OLFM3: variants seen among roughly 807,000 people sequenced by gnomAD.
OLFM3 encodes the protein noelin-3.
OLFM3 carries 20 observed loss-of-function variants against 48.6 expected under a neutral mutation model. The ratio of observed to expected loss-of-function variants is 0.41; its 90% confidence interval spans 0.29 to 0.60. The LOEUF is 0.60. OLFM3 is among the 20% of genes least tolerant of loss of function. OLFM3 has a pLI of 0.28. For synonymous variants in OLFM3, 222 were observed against 198.1 expected, an observed-to-expected ratio of 1.12 and a Z score of -1.01; for missense variants, 437 against 544.3, an observed-to-expected ratio of 0.80 and a Z score of 1.96.
intron 1 of OLFM3, among the ~76,000 whole-genome samples, chr1:101,948,862 A>T (rs752987236): frequency 2.0e-5 from 3 of 147,646 alleles, no homozygotes; most frequent in African/African-American, 7.3e-5. Flanking sequence ...TATATATTAT[A>T]TATTTATATA....
At chr1:101,859,526 G>T (rs982644920) in intron 1 of OLFM3, among the ~76,000 whole-genome samples, 1 of 152,030 alleles carries the variant, frequency 6.6e-6, no homozygotes, top group East Asian at 1.9e-4. Flanking sequence ...CAAGTTAAAT[G>T]TCTCTTATTT....
chr1:101,803,085 C>T lies in OLFM3; in HGVS notation c.*1153G>A, dbSNP rs1410996934. ...ACCACAAAGACAACTCCCAAGTCTC[C>T]CCATATTTTATTTTGCACAAATCTT... On this transcript the variant is annotated 3_prime_UTR_variant, in exon 6 of 6. Coordinates refer to ENST00000370103, the MANE Select transcript of OLFM3 (RefSeq NM_058170.4). The T allele has an allele frequency of 6.6e-6, 1 of 151,990 alleles. No individual in the cohort carries two copies. Among genetic ancestry groups the T allele is most frequent in the Admixed American group, 6.6e-5 (1 of 15,188 alleles). The allele number at this position is 151,990 out of a possible 1,614,324, so 9.4% of individuals were successfully genotyped here.
At chr1:101,953,739 T>C (rs1226514630) in intron 1 of OLFM3, among the ~76,000 whole-genome samples, 2 of 152,202 alleles carry the variant, frequency 1.3e-5, no homozygotes, top group East Asian at 3.8e-4. Context: ...CTAATATTTT[T>C]ACCCTTCACA....
intron 4 of OLFM3, among the ~76,000 whole-genome samples, chr1:101,823,356 G>C (rs1654700166): frequency 6.6e-6 from 1 of 152,050 alleles, no homozygotes; most frequent in East Asian, 1.9e-4. Flanking sequence ...CATTTAAACT[G>C]AGACCTGACA....
chr1:101,812,842 A>T, intron 4 of OLFM3: 2 of 990,222 alleles, frequency 2.0e-6, no homozygotes, highest in Non-Finnish European at 2.4e-6. Context: ...TTGTGAGGAA[A>T]ATTGATTCTT....
intron 1 of OLFM3, among the ~76,000 whole-genome samples, chr1:101,861,310 C>G (rs892267416): frequency 6.6e-6 from 1 of 150,544 alleles, no homozygotes; most frequent in East Asian, 1.9e-4. Context: ...GATTTGGCCG[C>G]CCCGGCCTCC....
chr1:101,901,193 T>C (rs995285588), intron 1 of OLFM3, among the ~76,000 whole-genome samples: 1 of 152,138 alleles, frequency 6.6e-6, no homozygotes, highest in African/African-American at 2.4e-5. Flanking sequence ...CTAAGAAGTT[T>C]ACATTGTTTG....
intron 1 of OLFM3, among the ~76,000 whole-genome samples, chr1:101,919,000 A>C (rs1659010469): frequency 6.6e-6 from 1 of 152,196 alleles, no homozygotes; most frequent in Admixed American, 6.5e-5. Flanking sequence ...GCATAGATTA[A>C]GTCTTAGTGA....
intron 4 of OLFM3, among the ~76,000 whole-genome samples, chr1:101,818,668 CAG>C (rs1654454987): frequency 6.6e-6 from 1 of 152,014 alleles, no homozygotes; most frequent in Non-Finnish European, 1.5e-5. Flanking sequence ...AACAAAGTAT[CAG>C]ATGTTTTGGA....
At chr1:101,822,440 C>T (rs1009873124) in intron 4 of OLFM3, among the ~76,000 whole-genome samples, 3 of 152,050 alleles carry the variant, frequency 2.0e-5, no homozygotes, top group African/African-American at 7.2e-5. Flanking sequence ...CATGCAATGC[C>T]TATGTGCTTG....
intron 1 of OLFM3, among the ~76,000 whole-genome samples, chr1:101,950,593 C>G (rs1462914511): frequency 6.6e-6 from 1 of 151,950 alleles, no homozygotes; most frequent in African/African-American, 2.4e-5. Context: ...CGCCTGCCAC[C>G]ACTCCCGGCT....
rs1465367051 is a variant in OLFM3, at chr1:101,802,782, A to C, written c.*1456T>G. On this transcript the variant is annotated 3_prime_UTR_variant, in exon 6 of 6. Transcript: ENST00000370103. The stretch of plus-strand genomic sequence containing the variant: ...AACATTTAAAACAATTTGTTTTATT[A>C]TTTATTATAGAATATACTTTTTAAA... 1.3e-5 allele frequency: 2 copies of C among 151,664 alleles called. No individual in the cohort carries two copies. The highest frequency in any genetic ancestry group is 3.0e-5 in the Non-Finnish European group (2 of 67,718). The allele number at this position is 151,664 out of a possible 1,614,324, so 9.4% of individuals were successfully genotyped here. A position where few individuals can be genotyped will look rare whatever the true frequency, so the allele number is the denominator to read the frequency against.
chr1:101,904,168 C>G (rs913916018), intron 1 of OLFM3, among the ~76,000 whole-genome samples: 28 of 151,928 alleles, frequency 1.8e-4, no homozygotes, highest in African/African-American at 6.8e-4. Context: ...ATTGAATAGC[C>G]CACAATAACG....
chr1:101,862,294 CTG>C (rs1185356004), intron 1 of OLFM3, among the ~76,000 whole-genome samples: 1 of 152,098 alleles, frequency 6.6e-6, no homozygotes, highest in Non-Finnish European at 1.5e-5. Flanking sequence ...TTCTAATAGT[CTG>C]TGATTTTAGA....
At chr1:101,838,996 C>T (rs953084451) in intron 1 of OLFM3, among the ~76,000 whole-genome samples, 9 of 152,112 alleles carry the variant, frequency 5.9e-5, no homozygotes, top group South Asian at 2.1e-4. Context: ...TTCTAGGTGC[C>T]GATAGGCCTT....
chr1:101,862,771 T>A lies in OLFM3; in HGVS notation c.70-25746A>T, dbSNP rs550729134. Among the ~76,000 whole-genome samples, 21 of 152,302 alleles carry A rather than the reference T, an allele frequency of 1.4e-4. 1 individual carries two copies. The South Asian group carries it at 4.1e-3, about 30-fold the overall frequency. On this transcript the variant is annotated intron_variant, in intron 1 of 5. Transcript: ENST00000370103. ...CTCCTGATTTTGATATGCAACCAAA[T>A]TTCAGAAACACTCATATAACCAAAT...
intron 2 of OLFM3, among the ~76,000 whole-genome samples, chr1:101,836,381 T>C (rs1290796564): frequency 1.3e-5 from 2 of 152,220 alleles, no homozygotes; most frequent in African/African-American, 4.8e-5. Context: ...AGAATGGTAT[T>C]GAATGAAATT....
rs888547600 is a variant in OLFM3, at chr1:101,984,823, T to C, written c.69+11925A>G. 2.6e-5 allele frequency among the ~76,000 whole-genome samples: 4 copies of C among 152,248 alleles called. No homozygotes were observed. The East Asian group carries it at 7.7e-4, about 29-fold the overall frequency. ...TAGACTTTAGCATTATTTGGCTGAT[T>C]ATGTTTGTTTGTACACATTAATAAG... On this transcript the variant is annotated intron_variant, in intron 1 of 5. Transcript: ENST00000370103.
At chr1:101,934,114 G>A (rs1394540368) in intron 1 of OLFM3, among the ~76,000 whole-genome samples, 1 of 151,876 alleles carries the variant, frequency 6.6e-6, no homozygotes, top group South Asian at 2.1e-4. Flanking sequence ...CTGCACATAT[G>A]AATATTAACC....
Sources: gnomAD v4.1 joint callset for allele counts (sites outside exome capture counted in the v4.1 genomes callset) on GRCh38, gnomAD v4.1.1 for gene constraint, MANE v1.5 for transcripts, NCBI Gene and HGNC (gene_info 2026-07-23, HGNC 2026-07-21) for gene names.